The following EXOC4 variants were observed in gnomAD, a reference collection of about 807,000 sequenced individuals.
EXOC4 encodes SEC8-like 1.
A neutral mutation model predicts 107.2 loss-of-function variants in EXOC4; 71 were observed. The observed-to-expected ratio is 0.66, with a 90% CI of 0.55 to 0.81. The LOEUF is 0.81. Ranked by LOEUF, EXOC4 falls within the 30% of genes least tolerant of loss-of-function variation. The probability of loss-of-function intolerance (pLI) is 0.00; values close to 1 mark genes in which losing one functional copy is unlikely to be tolerated. For missense variants in EXOC4, 1,108 were observed against 1,189.6 expected (o/e 0.93, Z 1.01); for synonymous variants, 456 against 441.2 (o/e 1.03, Z -0.42).
intron 15 of EXOC4, among the ~76,000 whole-genome samples, chr7:134,001,177 T>C (rs1012273751): frequency 5.9e-5 from 9 of 152,144 alleles, no homozygotes; most frequent in Non-Finnish European, 7.4e-5. Context: ...ATTTGAACTT[T>C]AGAAGAAGAA....
chr7:133,930,757 T>G (rs900371483), intron 13 of EXOC4: 3 of 151,810 alleles, frequency 2.0e-5, no homozygotes, highest in African/African-American at 7.3e-5. Flanking sequence ...AAGTGATGTT[T>G]GTGTGTGTGT....
intron 9 of EXOC4, among the ~76,000 whole-genome samples, chr7:133,500,164 A>G (rs1799551080): frequency 6.6e-6 from 1 of 152,298 alleles, no homozygotes; most frequent in Admixed American, 6.5e-5. Context: ...TTTCTATATA[A>G]TCCACATTTA....
chr7:133,932,039 A>G (rs1030899358), intron 13 of EXOC4, among the ~76,000 whole-genome samples: 5 of 152,376 alleles, frequency 3.3e-5, no homozygotes, highest in Middle Eastern at 3.4e-3. Context: ...AGACTGACAG[A>G]AGAAACTATG....
At chr7:133,294,829 A>G (rs1282781177) in intron 3 of EXOC4, among the ~76,000 whole-genome samples, 2 of 152,112 alleles carry the variant, frequency 1.3e-5, no homozygotes, top group Non-Finnish European at 2.9e-5. Flanking sequence ...GAATTGGATA[A>G]CATGGTGGGT....
the EXOC4 span, among the ~76,000 whole-genome samples, chr7:134,099,678 C>G: frequency 6.6e-6 from 1 of 151,588 alleles, no homozygotes; most frequent in African/African-American, 2.4e-5. Context: ...CTACAGGCAC[C>G]CGCCACCTCG....
chr7:133,949,284 A>G (rs1800630401), intron 14 of EXOC4, among the ~76,000 whole-genome samples: 2 of 152,212 alleles, frequency 1.3e-5, no homozygotes, highest in Admixed American at 6.5e-5. Flanking sequence ...GATCAGGTAT[A>G]GGTCTCTAAG....
At chr7:133,734,848 C>T (rs979766798) in intron 10 of EXOC4, among the ~76,000 whole-genome samples, 18 of 151,880 alleles carry the variant, frequency 1.2e-4, no homozygotes, top group African/African-American at 3.9e-4. Context: ...CAACCTGTAT[C>T]GGTTTCATGC....
chr7:133,614,248 C>T (rs1802137844), intron 9 of EXOC4, among the ~76,000 whole-genome samples: 1 of 152,086 alleles, frequency 6.6e-6, no homozygotes, highest in African/African-American at 2.4e-5. Context: ...TGTGCAAATG[C>T]AGTGAGATTT....
chr7:133,648,341 C>T (rs1261231761), intron 10 of EXOC4, among the ~76,000 whole-genome samples: 1 of 152,200 alleles, frequency 6.6e-6, no homozygotes, highest in Non-Finnish European at 1.5e-5. Flanking sequence ...TATAAACATT[C>T]TCTGTTGGCA....
intron 9 of EXOC4, among the ~76,000 whole-genome samples, chr7:133,514,366 G>A (rs1799832863): frequency 6.6e-6 from 1 of 152,100 alleles, no homozygotes; most frequent in African/African-American, 2.4e-5. Context: ...GTTTCACTGT[G>A]TTAGCCAGCA....
intron 10 of EXOC4, among the ~76,000 whole-genome samples, chr7:133,773,310 C>T (rs1796281780): frequency 6.6e-6 from 1 of 151,966 alleles, no homozygotes; most frequent in Non-Finnish European, 1.5e-5. Flanking sequence ...GCTTCCCAAA[C>T]ATGCCAGAGG....
intron 14 of EXOC4, among the ~76,000 whole-genome samples, chr7:133,940,568 C>G (rs1428282500): frequency 6.6e-6 from 1 of 152,174 alleles, no homozygotes; most frequent in Non-Finnish European, 1.5e-5. Context: ...CTTATGGTGT[C>G]TGCTAAAACA....
chr7:133,984,687 A>T (rs180833396), intron 14 of EXOC4, among the ~76,000 whole-genome samples: 75 of 152,320 alleles, frequency 4.9e-4, no homozygotes, highest in African/African-American at 1.7e-3. Flanking sequence ...TGCTGTGGGC[A>T]AATACAGTGC....
chr7:133,534,441 A>G (rs892245124), intron 9 of EXOC4, among the ~76,000 whole-genome samples: 10 of 152,134 alleles, frequency 6.6e-5, no homozygotes, highest in African/African-American at 9.7e-5. Flanking sequence ...CTCTTCATCA[A>G]TGTCACATTA....
At chr7:133,827,347 C>T (rs1797726268) in intron 11 of EXOC4, among the ~76,000 whole-genome samples, 1 of 152,086 alleles carries the variant, frequency 6.6e-6, no homozygotes, top group African/African-American at 2.4e-5. Context: ...TATTGTCTTA[C>T]CTTTGAATGA....
In EXOC4 at chr7:133,492,595, C is replaced by T. The variant is rs143769954; in HGVS notation, c.1417+12457C>T. 3.3e-4 allele frequency among the ~76,000 whole-genome samples: 50 copies of T among 152,230 alleles called. 1 individual carries two copies. Among genetic ancestry groups the T allele is most frequent in the African/African-American group, 1.1e-3 (46 of 41,558 alleles). On this transcript the variant is annotated intron_variant, in intron 9 of 17. Transcript: ENST00000253861. ...TCTCAAGTTCAGAGTAATGGAGTTACGGTTTTCTTCCATCCCTTTTCCTCT... is the reference window on the plus strand; with the variant it reads ...TCTCAAGTTCAGAGTAATGGAGTTATGGTTTTCTTCCATCCCTTTTCCTCT...
At chr7:133,802,179 A>G (rs1796960558) in intron 10 of EXOC4, among the ~76,000 whole-genome samples, 1 of 152,230 alleles carries the variant, frequency 6.6e-6, no homozygotes. Flanking sequence ...GCTTCAAGAT[A>G]CAGTCTGAAA....
chr7:133,525,067 C>T (rs1254117995), intron 9 of EXOC4, among the ~76,000 whole-genome samples: 1 of 152,138 alleles, frequency 6.6e-6, no homozygotes, highest in East Asian at 1.9e-4. Flanking sequence ...GTAAGTGTAA[C>T]ATATAGCTTT....
chr7:133,259,984 A>G (rs1795106489), intron 1 of EXOC4, among the ~76,000 whole-genome samples: 1 of 152,176 alleles, frequency 6.6e-6, no homozygotes, highest in East Asian at 1.9e-4. Context: ...CTGGAGATAC[A>G]GAACACTTCC....
Sources: gnomAD v4.1 joint callset for allele counts (sites outside exome capture counted in the v4.1 genomes callset) on GRCh38, gnomAD v4.1.1 for gene constraint, MANE v1.5 for transcripts, NCBI Gene and HGNC (gene_info 2026-07-23, HGNC 2026-07-21) for gene names.